NFATC2: variants seen among roughly 807,000 people sequenced by gnomAD.
NFATC2 encodes nuclear factor of activated T-cells, cytoplasmic 2.
A neutral mutation model predicts 87.3 loss-of-function variants in NFATC2; 22 were observed. The ratio of observed to expected loss-of-function variants is 0.25; its 90% confidence interval spans 0.18 to 0.36. The LOEUF (loss-of-function observed/expected upper bound fraction) is 0.36, where lower values mean the gene tolerates loss of function less well. NFATC2 is among the 10% of genes least tolerant of loss of function. The pLI, the probability that NFATC2 is intolerant of heterozygous loss-of-function variation, is 1.00. For synonymous variants in NFATC2, 565 were observed against 542.2 expected (o/e 1.04, Z -0.58); for missense variants, 1,149 against 1,259.1 (o/e 0.91, Z 1.32).
chr20:51,550,669 C>T (rs989396353), intron 1 of NFATC2, among the ~76,000 whole-genome samples: 1 of 152,150 alleles, frequency 6.6e-6, no homozygotes, highest in Non-Finnish European at 1.5e-5. Context: ...ATAGCTTAGT[C>T]TAGCCTACCT....
chr20:51,553,624 C>G (rs1343011946), intron 1 of NFATC2, among the ~76,000 whole-genome samples: 1 of 143,766 alleles, frequency 7.0e-6, no homozygotes, highest in Non-Finnish European at 1.5e-5. Context: ...TGCAGTGAGC[C>G]GAGATCATGC....
chr20:51,539,569 G>A (rs535629823), intron 1 of NFATC2, among the ~76,000 whole-genome samples: 1 of 152,250 alleles, frequency 6.6e-6, no homozygotes, highest in East Asian at 1.9e-4. Flanking sequence ...GGGCAGCCTC[G>A]AACTCCTGGG....
chr20:51,417,357 G>A (rs1980184960), intron 9 of NFATC2, among the ~76,000 whole-genome samples: 1 of 152,062 alleles, frequency 6.6e-6, no homozygotes, highest in African/African-American at 2.4e-5. Context: ...CGCGAGGCCT[G>A]TCCCCTCCAT....
chr20:51,551,749 C>T (rs1468282656), intron 1 of NFATC2, among the ~76,000 whole-genome samples: 2 of 151,910 alleles, frequency 1.3e-5, no homozygotes, highest in Non-Finnish European at 2.9e-5. Context: ...TATATTAGGT[C>T]GCACACAGTG....
intron 3 of NFATC2, among the ~76,000 whole-genome samples, chr20:51,494,894 T>TC (rs1436676783): frequency 6.6e-6 from 1 of 152,092 alleles, no homozygotes. Context: ...TCACATACTG[T>TC]CCTGAACGTG....
At chr20:51,528,299 G>C (rs946605683) in intron 1 of NFATC2, among the ~76,000 whole-genome samples, 1 of 152,122 alleles carries the variant, frequency 6.6e-6, no homozygotes, top group Non-Finnish European at 1.5e-5. Flanking sequence ...AGTTCTTTAT[G>C]CATTGACATG....
intron 6 of NFATC2, among the ~76,000 whole-genome samples, chr20:51,446,548 G>A (rs547673576): frequency 1.3e-5 from 2 of 152,318 alleles, no homozygotes; most frequent in East Asian, 3.9e-4. Flanking sequence ...ATTTCTGATG[G>A]TGGAAGTGCT....
At chr20:51,464,937 T>C (rs1987526441) in intron 5 of NFATC2, among the ~76,000 whole-genome samples, 1 of 152,220 alleles carries the variant, frequency 6.6e-6, no homozygotes, top group Non-Finnish European at 1.5e-5. Context: ...TCAGCCACAA[T>C]ACAGAACGTA....
chr20:51,422,152 C>T (rs1981017969), intron 9 of NFATC2, among the ~76,000 whole-genome samples: 1 of 152,136 alleles, frequency 6.6e-6, no homozygotes, highest in East Asian at 1.9e-4. Context: ...TTGCAGACAG[C>T]CTGGGACTTA....
At chr20:51,549,357 C>A (rs901869438) in intron 1 of NFATC2, among the ~76,000 whole-genome samples, 2 of 152,226 alleles carry the variant, frequency 1.3e-5, no homozygotes, top group African/African-American at 4.8e-5. Flanking sequence ...ACCGCAACTT[C>A]TGCCTCCCAG....
At chr20:51,545,399 G>A (rs1166718401), upstream of NFATC2, among the ~76,000 whole-genome samples, 5 of 152,196 alleles carry the variant, frequency 3.3e-5, no homozygotes, top group South Asian at 2.1e-4. Flanking sequence ...CCCAAGCAAC[G>A]AAGTGGATGA....
intron 8 of NFATC2, among the ~76,000 whole-genome samples, chr20:51,433,633 A>T (rs562122235): frequency 6.6e-6 from 1 of 152,186 alleles, no homozygotes; most frequent in Admixed American, 6.5e-5. Context: ...CAACATCCAT[A>T]CTAAAGCATT....
intron 3 of NFATC2, among the ~76,000 whole-genome samples, chr20:51,506,750 G>C (rs972338187): frequency 1.9e-4 from 1 of 5,388 alleles, no homozygotes; most frequent in Admixed American, 1.8e-3. Flanking sequence ...AGATGGCTCG[G>C]GGGCCTGCGA....
At chr20:51,411,280 A>G (rs1168396400) in intron 9 of NFATC2, among the ~76,000 whole-genome samples, 1 of 152,130 alleles carries the variant, frequency 6.6e-6, no homozygotes, top group Non-Finnish European at 1.5e-5. Context: ...CTTGCTGATA[A>G]CATTTCATTT....
At chr20:51,454,256 T>A (rs1986152758) in intron 6 of NFATC2, among the ~76,000 whole-genome samples, 1 of 152,194 alleles carries the variant, frequency 6.6e-6, no homozygotes, top group African/African-American at 2.4e-5. Flanking sequence ...CAAAAAGTTT[T>A]AAAAATTTCC....
At chr20:51,538,701 AG>A (rs1454727035) in intron 1 of NFATC2, among the ~76,000 whole-genome samples, 4 of 152,254 alleles carry the variant, frequency 2.6e-5, no homozygotes, top group Admixed American at 2.6e-4. Context: ...CATTAACAAA[AG>A]CAAGGGTTTA....
chr20:51,398,572 A>T (rs1600653153), intron 10 of NFATC2, 71 bp downstream of exon 10: 3 of 252,848 alleles, frequency 1.2e-5, no homozygotes, highest in South Asian at 7.0e-5. Flanking sequence ...ACTTTACTTA[A>T]AAAAAAAAAA....
At chr20:51,530,708 C>T (rs752510059) in intron 1 of NFATC2, among the ~76,000 whole-genome samples, 25 of 152,118 alleles carry the variant, frequency 1.6e-4, no homozygotes, top group Non-Finnish European at 1.3e-4. Flanking sequence ...ATGCTGTTCC[C>T]CTTACCCAGA....
In NFATC2 at chr20:51,390,972, C is replaced by A; in HGVS notation, c.*524G>T. On this transcript the variant is annotated 3_prime_UTR_variant, in exon 11 of 11. Coordinates refer to ENST00000371564, the MANE Select transcript of NFATC2 (RefSeq NM_012340.5). ...GAGAACTCCTTGCCTTCAAAAGGTA[C>A]AGGAGCTGTATCTGTGACCTGGAAA... 6.1e-6 allele frequency: 2 copies of A among 326,990 alleles called. No homozygotes were observed. Among genetic ancestry groups the A allele is most frequent in the Non-Finnish European group, 1.2e-5 (2 of 165,078 alleles). The allele number at this position is 326,990 out of a possible 1,614,324, so 20.3% of individuals were successfully genotyped here. A position where few individuals can be genotyped will look rare whatever the true frequency, so the allele number is the denominator to read the frequency against.
Sources: gnomAD v4.1 joint callset for allele counts (sites outside exome capture counted in the v4.1 genomes callset) on GRCh38, gnomAD v4.1.1 for gene constraint, MANE v1.5 for transcripts, NCBI Gene and HGNC (gene_info 2026-07-23, HGNC 2026-07-21) for gene names.